REDIC1: variants seen among roughly 807,000 people sequenced by gnomAD.
REDIC1 encodes HEI10 Interacting Protein 1.
chr12:39,863,237 C>T, the REDIC1 span, among the ~76,000 whole-genome samples: 1 of 152,072 alleles, frequency 6.6e-6, no homozygotes, highest in African/African-American at 2.4e-5. Flanking sequence ...TAAGGATTAA[C>T]AGACTGATGA....
the REDIC1 span, chr12:39,759,993 G>T: frequency 1.9e-6 from 3 of 1,553,780 alleles, no homozygotes; most frequent in Admixed American, 1.7e-5. Flanking sequence ...CCCCCAGTTT[G>T]TTTAAATAAC....
the REDIC1 span, among the ~76,000 whole-genome samples, chr12:39,705,581 G>A: frequency 2.0e-4 from 30 of 152,110 alleles, no homozygotes; most frequent in African/African-American, 6.5e-4. Context: ...TAGCAAACAG[G>A]ATTCAACAGT....
At chr12:39,669,496 C>A in the REDIC1 span, among the ~76,000 whole-genome samples, 2 of 152,084 alleles carry the variant, frequency 1.3e-5, no homozygotes, top group African/African-American at 2.4e-5. Flanking sequence ...GCTACTCGGG[C>A]GTCAGGGACC....
At chr12:39,641,685 A>C in the REDIC1 span, among the ~76,000 whole-genome samples, 1 of 151,818 alleles carries the variant, frequency 6.6e-6, no homozygotes, top group Admixed American at 6.6e-5. Context: ...CAAAAGAAGA[A>C]ACTCACAGAA....
At chr12:39,739,824 C>T in the REDIC1 span, among the ~76,000 whole-genome samples, 2 of 152,138 alleles carry the variant, frequency 1.3e-5, no homozygotes, top group Non-Finnish European at 2.9e-5. Flanking sequence ...TTTGGGAAGG[C>T]ATTGTGACTT....
At chr12:39,862,758 C>T in the REDIC1 span, among the ~76,000 whole-genome samples, 1 of 152,058 alleles carries the variant, frequency 6.6e-6, no homozygotes, top group East Asian at 1.9e-4. Flanking sequence ...TTATGGGGTA[C>T]ATGTCATATT....
At chr12:39,703,622 G>A in the REDIC1 span, among the ~76,000 whole-genome samples, 5 of 152,134 alleles carry the variant, frequency 3.3e-5, no homozygotes, top group African/African-American at 4.8e-5. Context: ...TCATTGCCAA[G>A]TCAATCCTAA....
chr12:39,694,970 C>G, the REDIC1 span, among the ~76,000 whole-genome samples: 4 of 152,120 alleles, frequency 2.6e-5, no homozygotes, highest in African/African-American at 9.7e-5. Flanking sequence ...GCCCTAGCTC[C>G]AAGATGACAT....
At chr12:39,723,687 A>G in the REDIC1 span, among the ~76,000 whole-genome samples, 2 of 152,076 alleles carry the variant, frequency 1.3e-5, no homozygotes, top group African/African-American at 4.8e-5. Context: ...ACTGCCAATC[A>G]GAGTGACTTC....
At chr12:39,727,362 T>C in the REDIC1 span, among the ~76,000 whole-genome samples, 5 of 152,212 alleles carry the variant, frequency 3.3e-5, no homozygotes, top group Non-Finnish European at 7.3e-5. Context: ...TTCAGTTTTC[T>C]GCATATGGCT....
the REDIC1 span, among the ~76,000 whole-genome samples, chr12:39,712,714 GACGTATACGTGTATATATGTAT>G: frequency 3.0e-5 from 1 of 33,086 alleles, no homozygotes; most frequent in Non-Finnish European, 6.3e-5. Context: ...TATGTATATA[GACGTATACGTGTATATATGTAT>G]ATAGACGTGT....
the REDIC1 span, among the ~76,000 whole-genome samples, chr12:39,763,467 G>T: frequency 6.6e-6 from 1 of 152,014 alleles, no homozygotes; most frequent in East Asian, 1.9e-4. Flanking sequence ...GTGCTTATCA[G>T]GTGAACAGGA....
At chr12:39,733,601 C>T in the REDIC1 span, among the ~76,000 whole-genome samples, 2 of 152,098 alleles carry the variant, frequency 1.3e-5, no homozygotes, top group Non-Finnish European at 2.9e-5. Flanking sequence ...GATGCCCTGC[C>T]CAGAGAGGAG....
the REDIC1 span, among the ~76,000 whole-genome samples, chr12:39,681,589 C>G: frequency 1.1e-3 from 160 of 152,250 alleles, no homozygotes; most frequent in African/African-American, 3.8e-3. Flanking sequence ...TTAGTGCATA[C>G]TATATACTGT....
the REDIC1 span, among the ~76,000 whole-genome samples, chr12:39,896,497 T>C: frequency 1.4e-5 from 2 of 148,100 alleles, no homozygotes; most frequent in Non-Finnish European, 3.0e-5. Context: ...TATGTACACA[T>C]ATATGTATGT....
At chr12:39,653,571 TTTTTCTTCCTCTTCTTCTTCC>T in the REDIC1 span, among the ~76,000 whole-genome samples, 2 of 107,058 alleles carry the variant, frequency 1.9e-5, no homozygotes, top group African/African-American at 3.2e-5. Flanking sequence ...CTTCTTCTTC[TTTTTCTTCCTCTTCTTCTTCC>T]TCTTCTTCTT....
the REDIC1 span, among the ~76,000 whole-genome samples, chr12:39,842,816 T>C: frequency 6.6e-6 from 1 of 152,022 alleles, no homozygotes; most frequent in Non-Finnish European, 1.5e-5. Context: ...ATCTACTCTT[T>C]GTCTCTATGG....
chr12:39,882,635 T>G, the REDIC1 span, among the ~76,000 whole-genome samples: 1 of 152,166 alleles, frequency 6.6e-6, no homozygotes, highest in Admixed American at 6.5e-5. Flanking sequence ...TTGCCTATAA[T>G]TCACCAAGAA....
At chr12:39,749,542 AAG>A in the REDIC1 span, among the ~76,000 whole-genome samples, 16 of 152,336 alleles carry the variant, frequency 1.1e-4, no homozygotes, top group African/African-American at 3.8e-4. Context: ...TCAATAGAAA[AAG>A]AGGGAATCCT....
Sources: allele counts gnomAD v4.1 joint callset (sites outside exome capture counted in the v4.1 genomes callset), GRCh38; gene constraint gnomAD v4.1.1; transcripts MANE v1.5; gene names NCBI Gene and HGNC (gene_info 2026-07-23, HGNC 2026-07-21).